The following AFAP1L1 variants were observed in gnomAD, a reference collection of about 807,000 sequenced individuals.
AFAP1L1 encodes the protein actin filament-associated protein 1-like 1.
Under a neutral mutation model 99.8 loss-of-function variants are expected in AFAP1L1, and 77 were observed. The observed-to-expected ratio is 0.77, with a 90% confidence interval of 0.64 to 0.93. The LOEUF (loss-of-function observed/expected upper bound fraction) is 0.93, where lower values mean the gene tolerates loss of function less well. AFAP1L1 is among the 40% of genes least tolerant of loss of function. AFAP1L1 has a pLI of 0.00. For synonymous variants in AFAP1L1, 373 were observed against 395.3 expected (o/e 0.94, Z 0.67); for missense variants, 893 against 996.8 (o/e 0.90, Z 1.40).
chr5:149,284,661 G>A (rs1054295276), intron 1 of AFAP1L1, among the ~76,000 whole-genome samples: 8 of 152,226 alleles, frequency 5.3e-5, no homozygotes, highest in Admixed American at 6.5e-5. Context: ...CATGGGGCAC[G>A]TGAGGATCTT....
At chr5:149,290,869 G>C (rs112364883) in intron 1 of AFAP1L1, among the ~76,000 whole-genome samples, 2 of 152,322 alleles carry the variant, frequency 1.3e-5, no homozygotes, top group East Asian at 3.9e-4. Context: ...ATTGTTCCAT[G>C]TATACTTAAA....
At chr5:149,333,550 C>T (rs1581345644) in intron 17 of AFAP1L1, among the ~76,000 whole-genome samples, 1 of 152,050 alleles carries the variant, frequency 6.6e-6, no homozygotes, top group East Asian at 1.9e-4. Flanking sequence ...ATACGCTCAC[C>T]TCCAATGGTG....
At chr5:149,303,145 A>G (rs1405823716) in intron 5 of AFAP1L1, among the ~76,000 whole-genome samples, 1 of 152,178 alleles carries the variant, frequency 6.6e-6, no homozygotes, top group Non-Finnish European at 1.5e-5. Flanking sequence ...GTTTTGTAGC[A>G]TTTATAATCT....
intron 12 of AFAP1L1, among the ~76,000 whole-genome samples, chr5:149,319,304 TC>T (rs1290539434): frequency 6.6e-6 from 1 of 152,054 alleles, no homozygotes; most frequent in Non-Finnish European, 1.5e-5. Context: ...TGGGGAAGGC[TC>T]TGAGAATGGA....
chr5:149,307,689 A>T, intron 7 of AFAP1L1, 76 bp downstream of exon 7: 5 of 1,468,850 alleles, frequency 3.4e-6, no homozygotes, highest in Non-Finnish European at 4.7e-6. Context: ...ATACATGTGG[A>T]TATGTCTGCC....
Position 149,335,653 on chromosome 5 carries a change from T to C in AFAP1L1, c.2214T>C (p.Val738=), listed in dbSNP as rs139371233. The C allele has an allele frequency of 2.6e-4, 418 of 1,613,546 alleles. 3 individuals carry two copies. The African/African-American group carries it at 5.1e-3, about 20-fold the overall frequency. The change falls in exon 18 of 19, where the codon GTT becomes GTC. Residue 738 remains valine (V), a synonymous_variant. Transcript: ENST00000296721. ...AGCAACCTCTCCCTGTCAACTGTGT[T>C]TCTGAGCTGAGGAAGAGGAGCCCAT... The part of the protein sequence containing the change: ...VPEQPLPVNC[V]SELRKRSPSI...
At chr5:149,328,702 T>C (rs1196706522) in intron 15 of AFAP1L1, among the ~76,000 whole-genome samples, 5 of 152,048 alleles carry the variant, frequency 3.3e-5, no homozygotes, top group Admixed American at 2.0e-4. Flanking sequence ...CCAGCTACTC[T>C]ACTCGGGAGG....
At chr5:149,329,904 T>G in intron 16 of AFAP1L1, 74 bp downstream of exon 16, 4 of 1,330,678 alleles carry the variant, frequency 3.0e-6, no homozygotes, top group Non-Finnish European at 3.9e-6. Flanking sequence ...GGGAGGTCTC[T>G]TGCACAAGTC....
intron 9 of AFAP1L1, 110 bp from the exon 10 acceptor site, chr5:149,315,711 A>T: frequency 9.4e-6 from 8 of 851,150 alleles, no homozygotes; most frequent in Non-Finnish European, 1.6e-5. Flanking sequence ...AACATTTGTT[A>T]GCTAATTATC....
intron 15 of AFAP1L1, 101 bp downstream of exon 15, chr5:149,322,818 G>T: frequency 1.1e-6 from 1 of 900,620 alleles, no homozygotes; most frequent in South Asian, 1.7e-5. Flanking sequence ...GTAAATAAAT[G>T]AGCAAAGTGA....
intron 9 of AFAP1L1, chr5:149,312,480 C>T (rs1756667133): frequency 2.1e-6 from 1 of 484,182 alleles, no homozygotes. Flanking sequence ...GCAATTGTGC[C>T]ATGAAAAATA....
intron 8 of AFAP1L1, among the ~76,000 whole-genome samples, chr5:149,311,755 G>A (rs1371823003): frequency 6.6e-6 from 1 of 152,178 alleles, no homozygotes; most frequent in African/African-American, 2.4e-5. Context: ...CGCATCCATG[G>A]TCACACTGTC....
intron 9 of AFAP1L1, among the ~76,000 whole-genome samples, chr5:149,312,878 G>A (rs1442022003): frequency 6.6e-6 from 1 of 152,196 alleles, no homozygotes; most frequent in Non-Finnish European, 1.5e-5. Flanking sequence ...TGTAATCCCA[G>A]CACTTTGGGA....
At chr5:149,316,787 G>A (rs902263814) in intron 11 of AFAP1L1, among the ~76,000 whole-genome samples, 6 of 152,162 alleles carry the variant, frequency 3.9e-5, no homozygotes, top group Non-Finnish European at 7.4e-5. Flanking sequence ...TAAATGTAGC[G>A]TTCCATGTAC....
At chr5:149,279,271 CA>C (rs1755440469) in intron 1 of AFAP1L1, among the ~76,000 whole-genome samples, 1 of 152,168 alleles carries the variant, frequency 6.6e-6, no homozygotes, top group African/African-American at 2.4e-5. Context: ...GAGAAGCATA[CA>C]AATGAAAAGA....
Position 149,312,136 on chromosome 5 carries a change from G to C in AFAP1L1, c.952G>C (p.Val318Leu). ...LKVIREVSKP[V>L]GGAEGVEVPR... is the part of the protein sequence containing the mutation. Reference sequence around the variant, plus strand: ...GGTCATCCGAGAAGTGAGCAAGCCAGTTGGGGGAGCTGAGGGAGTGGAGGT... The same window carrying C: ...GGTCATCCGAGAAGTGAGCAAGCCACTTGGGGGAGCTGAGGGAGTGGAGGT... The change falls in exon 9 of 19, where the codon GTT becomes CTT. Residue 318 changes from valine to leucine, a missense_variant. Physicochemically the swap from Val to Leu is conservative, Grantham distance 32 (BLOSUM62 1). Coordinates refer to ENST00000296721, the MANE Select transcript of AFAP1L1 (RefSeq NM_152406.4). 6.2e-7 allele frequency: 1 copy of C among 1,614,026 alleles called. No individual in the cohort carries two copies. The highest frequency in any genetic ancestry group is 1.3e-5 in the African/African-American group (1 of 75,056).
chr5:149,335,815 A>C, intron 18 of AFAP1L1, 93 bp downstream of exon 18: 1 of 1,523,544 alleles, frequency 6.6e-7, no homozygotes, highest in South Asian at 1.2e-5. Flanking sequence ...ACTAGTGAGA[A>C]AGGTAGAGAA....
At chr5:149,280,623 A>G (rs1365506693) in intron 1 of AFAP1L1, among the ~76,000 whole-genome samples, 1 of 152,218 alleles carries the variant, frequency 6.6e-6, no homozygotes, top group Non-Finnish European at 1.5e-5. Context: ...CAACTGAATG[A>G]GACTCTAGGG....
At chr5:149,302,672 G>A (rs1043458482) in intron 5 of AFAP1L1, 146 bp downstream of exon 5, 5 of 718,486 alleles carry the variant, frequency 7.0e-6, no homozygotes, top group Non-Finnish European at 1.1e-5. Flanking sequence ...AGCTACCCTG[G>A]GCACCTGGCC....
Sources: gnomAD v4.1 joint callset for allele counts (sites outside exome capture counted in the v4.1 genomes callset) on GRCh38, gnomAD v4.1.1 for gene constraint, MANE v1.5 for transcripts, NCBI Gene and HGNC (gene_info 2026-07-23, HGNC 2026-07-21) for gene names.